The following SPTBN5 variants were observed in gnomAD, a reference collection of about 807,000 sequenced individuals.
SPTBN5 encodes the protein spectrin beta, non-erythrocytic 5.
A neutral mutation model predicts 477.6 loss-of-function variants in SPTBN5; 513 were observed. That is an observed-to-expected ratio of 1.07 (90% CI 1.00 to 1.16). The LOEUF is 1.16. SPTBN5 is among the 50% of genes most tolerant of loss of function. The pLI, the probability that SPTBN5 is intolerant of heterozygous loss-of-function variation, is 0.00. For missense variants in SPTBN5, 5,062 were observed against 4,731.8 expected, an observed-to-expected ratio of 1.07 and a Z score of -2.05; for synonymous variants, 2,169 against 2,011.7, an observed-to-expected ratio of 1.08 and a Z score of -2.09.
Position 41,856,972 on chromosome 15 carries a change from T to G in SPTBN5, c.8689A>C (p.Lys2897Gln), listed in dbSNP as rs774036708. 2.2e-5 allele frequency: 36 copies of G among 1,600,490 alleles called. No individual in the cohort carries two copies. Among genetic ancestry groups the G allele is most frequent in the Non-Finnish European group, 2.6e-5 (31 of 1,174,424 alleles). ...TCCTCGTCGGCGTCCCTGAAGAACT[T>G]CAAGAGGAGGCTCCGGGCCTCCAGG... is the stretch of plus-strand genomic sequence containing the variant. ...TALEARSLLL[K>Q]FFRDADEEMA... The change falls in exon 52 of 68, where the codon AAG (lysine) becomes CAG (glutamine). Residue 2897 changes from lysine to glutamine, a missense_variant. Lys to Gln is a moderately conservative substitution (Grantham distance 53, BLOSUM62 1). Transcript: ENST00000320955.
intron 58 of SPTBN5, 52 bp downstream of exon 58, chr15:41,853,530 A>AC: frequency 1.3e-6 from 2 of 1,539,148 alleles, no homozygotes; most frequent in South Asian, 1.2e-5. Flanking sequence ...GAGCCAGGAT[A>AC]CCCCCACCCC....
intron 43 of SPTBN5, 32 bp from the exon 44 acceptor site, chr15:41,862,324 GCCTTCAAAC>G: frequency 6.4e-7 from 1 of 1,564,526 alleles, no homozygotes; most frequent in Non-Finnish European, 8.7e-7. Flanking sequence ...TAGTCGTCAG[GCCTTCAAAC>G]CCCTCTCCCC....
At chr15:41,870,113 G>A (rs1595476939) in intron 31 of SPTBN5, 93 bp from the exon 32 acceptor site, 2 of 1,450,030 alleles carry the variant, frequency 1.4e-6, no homozygotes, top group East Asian at 5.0e-5. Flanking sequence ...GGCCCCCTTG[G>A]GCCACGTCCT....
At position 41,877,278 on chromosome 15, in the gene SPTBN5, CAG is replaced by C; in HGVS notation, c.3547_3548del (p.Leu1183GlufsTer121). The C allele has an allele frequency of 6.2e-7, 1 of 1,613,816 alleles. No homozygotes were observed. Among genetic ancestry groups the C allele is most frequent in the Non-Finnish European group, 8.5e-7 (1 of 1,179,826 alleles). On this transcript the variant is annotated frameshift_variant, in exon 18 of 68. Transcript: ENST00000320955. LOFTEE classifies it high-confidence loss of function. Reference protein sequence around the residue: ...CPDSQEVPNTLRVLGQQGQEL... With the variant: ...CPDSQEVPNTXRVLGQQGQEL... ...CCTGGCCCTGCTGCCCCAGGACCCT[CAG>C]AGTGTTGGGCACCTCTTGGGAGTCT...
rs1220149472 is a variant in SPTBN5, at chr15:41,859,069, T to C, written c.7989-89A>G. 4.0e-6 allele frequency: 4 copies of C among 1,002,718 alleles called. No homozygotes were observed. The African/African-American group carries it at 6.6e-5, about 16-fold the overall frequency. The allele number at this position is 1,002,718 out of a possible 1,614,324, so 62.1% of individuals were successfully genotyped here. On this transcript the variant is annotated intron_variant, in intron 47 of 67. Transcript: ENST00000320955. Reference sequence around the variant, plus strand: ...GCCTAGGCTTTCTCGGGTATGAATATACTCTGAGTCTGGAGTTTCCTTTGG... The same window carrying C: ...GCCTAGGCTTTCTCGGGTATGAATACACTCTGAGTCTGGAGTTTCCTTTGG...
At chr15:41,884,875 G>A (rs1438563583) in intron 7 of SPTBN5, among the ~76,000 whole-genome samples, 25 of 152,166 alleles carry the variant, frequency 1.6e-4, no homozygotes, top group Non-Finnish European at 4.4e-5. Context: ...CACTGCATTT[G>A]CCGTTTCCTC....
At position 41,858,940 on chromosome 15, in the gene SPTBN5, G is replaced by A. The variant is rs554409929; in HGVS notation, c.8029C>T (p.Arg2677Cys). The stretch of plus-strand genomic sequence containing the variant: ...TGCAGCTGCCGGAGCTCCTCCAGGC[G>A]ATGGCGGCGGGTCCCGGCTTGCCTG... Reference protein sequence around the residue: ...LFRQAGTRRHRLEELRQLQAF... With the variant: ...LFRQAGTRRHCLEELRQLQAF... The change falls in exon 48 of 68, where the codon CGC becomes TGC. Residue 2677 changes from arginine to cysteine, a missense_variant. Coordinates refer to ENST00000320955, the MANE Select transcript of SPTBN5 (RefSeq NM_016642.4). The A allele has an allele frequency of 8.2e-6, 13 of 1,594,082 alleles. No individual in the cohort carries two copies. The highest frequency in any genetic ancestry group is 2.3e-5 in the East Asian group (1 of 44,402).
At chr15:41,871,241 C>A in intron 29 of SPTBN5, 134 bp downstream of exon 29, 2 of 1,073,272 alleles carry the variant, frequency 1.9e-6, no homozygotes, top group South Asian at 3.3e-5. Flanking sequence ...GGAGCTAGGC[C>A]CCCTGCAGAG....
chr15:41,865,690 T>C (rs1049249629), intron 39 of SPTBN5, 118 bp downstream of exon 39: 12 of 905,588 alleles, frequency 1.3e-5, no homozygotes, highest in Middle Eastern at 3.4e-4. Flanking sequence ...CCCGAGGGCA[T>C]AGGAGGAGCA....
intron 4 of SPTBN5, among the ~76,000 whole-genome samples, chr15:41,888,650 G>A (rs1162118760): frequency 6.6e-6 from 1 of 152,192 alleles, no homozygotes. Flanking sequence ...TAGTTGGAAC[G>A]GGGTTTCACT....
In SPTBN5 at chr15:41,850,925, G is replaced by GC; in HGVS notation, c.10849dup (p.Ala3617GlyfsTer14). The stretch of plus-strand genomic sequence containing the variant: ...GGACGGTGCTGCAAACAGGATCTCT[G>GC]CCCCACTGGTCAGCCTGGCACCCAC... On this transcript the variant is annotated frameshift_variant, in exon 66 of 68. Transcript: ENST00000320955. LOFTEE classifies it high-confidence loss of function. 6.3e-7 allele frequency: 1 copy of GC among 1,593,418 alleles called. No individual in the cohort carries two copies.
At chr15:41,867,387 A>G (rs1194801128) in intron 35 of SPTBN5, 151 bp downstream of exon 35, 4 of 812,736 alleles carry the variant, frequency 4.9e-6, no homozygotes, top group Non-Finnish European at 7.9e-6. Flanking sequence ...AGCCACACAT[A>G]CAACTTGCTC....
intron 55 of SPTBN5, 39 bp from the exon 56 acceptor site, chr15:41,855,015 G>A (rs765599404): frequency 9.3e-6 from 14 of 1,502,960 alleles, no homozygotes; most frequent in Admixed American, 2.2e-5. Context: ...ACTTGAGATG[G>A]TATCATGAGC....
intron 59 of SPTBN5, 107 bp downstream of exon 59, chr15:41,853,151 C>T: frequency 2.0e-6 from 3 of 1,491,244 alleles, no homozygotes; most frequent in Non-Finnish European, 2.7e-6. Context: ...CTGCCTGCGC[C>T]CAGCCTTCCT....
At position 41,882,467 on chromosome 15, in the gene SPTBN5, G is replaced by C; in HGVS notation, c.2049C>G (p.Ala683=). 19 of 1,554,566 alleles carry C rather than the reference G, an allele frequency of 1.2e-5. No individual in the cohort carries two copies. The highest frequency in any genetic ancestry group is 1.6e-5 in the Non-Finnish European group (19 of 1,155,906). ...GGTGGCGGTGGACCTCAGCTTCCAGGGCCTAGCGGGGGGCAGAGCAGGGGG... is the reference window on the plus strand; with the variant it reads ...GGTGGCGGTGGACCTCAGCTTCCAGCGCCTAGCGGGGGGCAGAGCAGGGGG... ...QIAGALQKHK[A]LEAEVHRHQA... The change falls in exon 11 of 68, where the codon GCC becomes GCG. Residue 683 remains alanine, a splice_region_variant and synonymous_variant. Transcript: ENST00000320955.
At chr15:41,852,044 C>T in intron 62 of SPTBN5, 138 bp downstream of exon 62, 2 of 1,115,838 alleles carry the variant, frequency 1.8e-6, no homozygotes, top group Non-Finnish European at 2.5e-6. Context: ...ATCTTTATTC[C>T]TAATGACCTT....
In SPTBN5 at chr15:41,877,371, A is replaced by G. The variant is rs2066778103; in HGVS notation, c.3471-15T>C. The G allele has an allele frequency of 6.2e-7, 1 of 1,600,670 alleles. No individual in the cohort carries two copies. The highest frequency in any genetic ancestry group is 8.5e-7 in the Non-Finnish European group (1 of 1,172,094). ...GCTGCTGCAGCCTGACCAGGATGAC[A>G]GGCAGAGAGTCAAACCCCAGCAGGC... On this transcript the variant is annotated splice_polypyrimidine_tract_variant and intron_variant, in intron 17 of 67. Transcript: ENST00000320955.
At chr15:41,892,081 T>C (rs1267663507) in intron 3 of SPTBN5, among the ~76,000 whole-genome samples, 1 of 152,146 alleles carries the variant, frequency 6.6e-6, no homozygotes. Flanking sequence ...CAGCAGTCAC[T>C]CCCATTCCCT....
Position 41,854,935 on chromosome 15 carries a change from C to T in SPTBN5, c.9465G>A (p.Gln3155=). The T allele has an allele frequency of 6.4e-7, 1 of 1,569,098 alleles. No homozygotes were observed. Among genetic ancestry groups the T allele is most frequent in the Non-Finnish European group, 8.6e-7 (1 of 1,159,138 alleles). The change falls in exon 56 of 68, where the codon CAG becomes CAA. Residue 3155 remains glutamine (Q), a synonymous_variant. Transcript: ENST00000320955. ...EKFDAFRKEV[Q]SLGQAKVYAL... Reference sequence around the variant, plus strand: ...CATACACCTTGGCCTGGCCCAGGCTCTGCACTTCCTTTCTGAAAGCATCAA... The same window carrying T: ...CATACACCTTGGCCTGGCCCAGGCTTTGCACTTCCTTTCTGAAAGCATCAA...
Sources: allele counts gnomAD v4.1 joint callset (sites outside exome capture counted in the v4.1 genomes callset), GRCh38; gene constraint gnomAD v4.1.1; transcripts MANE v1.5; gene names NCBI Gene and HGNC (gene_info 2026-07-23, HGNC 2026-07-21).